The following HIC2 variants were observed in gnomAD, a reference collection of about 807,000 sequenced individuals.
HIC2 encodes the protein HIC ZBTB transcriptional repressor 2.
In HIC2, 2 loss-of-function variants were observed where a neutral mutation model predicts 39.5. The observed-to-expected ratio is 0.05, with a 90% CI of 0.02 to 0.16. The LOEUF is 0.16. Ranked by LOEUF, HIC2 falls within the 10% of genes least tolerant of loss-of-function variation. HIC2 has a pLI of 1.00. For synonymous variants in HIC2, 399 were observed against 368.8 expected (o/e 1.08, Z -0.94); for missense variants, 713 against 863.5 (o/e 0.83, Z 2.18).
At chr22:21,441,389 C>T (rs1923524924) in intron 1 of HIC2, among the ~76,000 whole-genome samples, 1 of 152,198 alleles carries the variant, frequency 6.6e-6, no homozygotes, top group Non-Finnish European at 1.5e-5. Flanking sequence ...GCAGTGGGCA[C>T]TGACGGAGGG....
In HIC2 at chr22:21,417,413, G is replaced by T. The variant is rs1342218207; in HGVS notation, c.-221G>T. 7.0e-6 allele frequency: 1 copy of T among 142,758 alleles called. No homozygotes were observed. Among genetic ancestry groups the T allele is most frequent in the Admixed American group, 6.9e-5 (1 of 14,572 alleles). The allele number at this position is 142,758 out of a possible 1,614,324, so 8.8% of individuals were successfully genotyped here. A position where few individuals can be genotyped will look rare whatever the true frequency, so the allele number is the denominator to read the frequency against. ...CGCTGGGCGGGCGGCTGTGAGCGGCGCTCGGGGCGCGCTAGGCGGGGAGCC... is the reference window on the plus strand; with the variant it reads ...CGCTGGGCGGGCGGCTGTGAGCGGCTCTCGGGGCGCGCTAGGCGGGGAGCC... On this transcript the variant is annotated 5_prime_UTR_variant, in exon 1 of 3. Coordinates refer to ENST00000407464, the MANE Select transcript of HIC2 (RefSeq NM_015094.3).
chr22:21,432,335 C>T (rs1300927614), intron 1 of HIC2, among the ~76,000 whole-genome samples: 4 of 87,584 alleles, frequency 4.6e-5, no homozygotes, highest in African/African-American at 1.9e-4. Flanking sequence ...TTTCCTGTTT[C>T]TCCTGGGCTT....
In HIC2 at chr22:21,447,359, C is replaced by G. The variant is rs544326981; in HGVS notation, c.*616C>G. 1 of 152,900 alleles carries G rather than the reference C, an allele frequency of 6.5e-6. No individual in the cohort carries two copies. Among genetic ancestry groups the G allele is most frequent in the East Asian group, 1.9e-4 (1 of 5,338 alleles). The allele number at this position is 152,900 out of a possible 1,614,324, so 9.5% of individuals were successfully genotyped here. On this transcript the variant is annotated 3_prime_UTR_variant, in exon 3 of 3. Transcript: ENST00000407464. ...CCTACTGATCTGTTCCTCTGTTTTT[C>G]TTTTTGATTTTTGTTTTTTAAACCA...
rs571490200 is a variant in HIC2 at position 21,445,468 on chromosome 22, C to T, written c.573C>T (p.Leu191=). The change falls in exon 3 of 3, where the codon CTC becomes CTT. Residue 191 remains leucine (L), a synonymous_variant. Transcript: ENST00000407464. ...GRKGAHAPQE[L]PQAKGSDDEL... is the part of the protein sequence containing the mutation. ...AGGGGGCCCACGCCCCCCAGGAGCTCCCCCAAGCCAAAGGCTCAGACGATG... is the reference window on the plus strand; with the variant it reads ...AGGGGGCCCACGCCCCCCAGGAGCTTCCCCAAGCCAAAGGCTCAGACGATG... 12 of 1,551,296 alleles carry T rather than the reference C, an allele frequency of 7.7e-6. No homozygotes were observed. In the East Asian group the frequency reaches 2.0e-4, roughly 26 times the overall value.
chr22:21,447,283 C>T lies in HIC2; in HGVS notation c.*540C>T, dbSNP rs780973240. 339 of 156,122 alleles carry T rather than the reference C, an allele frequency of 2.2e-3. 11 individuals carry two copies. The highest frequency in any genetic ancestry group is 8.2e-4 in the Non-Finnish European group (58 of 70,312). The allele number at this position is 156,122 out of a possible 1,614,324, so 9.7% of individuals were successfully genotyped here. A position where few individuals can be genotyped will look rare whatever the true frequency, so the allele number is the denominator to read the frequency against. ...GCTGGGACAGTCAGGGTGACCCCAC[C>T]GCCTACCTCTCTACATCTAAAGAGC... is the stretch of plus-strand genomic sequence containing the variant. On this transcript the variant is annotated 3_prime_UTR_variant, in exon 3 of 3. Coordinates refer to ENST00000407464, the MANE Select transcript of HIC2 (RefSeq NM_015094.3).
rs1323038672 is a variant in HIC2, at chr22:21,445,971, G to T, written c.1076G>T (p.Gly359Val). The change falls in exon 3 of 3, where the codon GGT becomes GTT. Residue 359 changes from glycine (G) to valine (V), a missense_variant. Physicochemically the swap from Gly to Val is moderately radical, Grantham distance 109. This residue lies in a region of HIC2 where 457 missense variants were observed against 420.2 expected (regional missense o/e 1.09). Transcript: ENST00000407464. Reference sequence around the variant, plus strand: ...GAGCGGAGAGAAGCAGGGCCCAAGGGTCCCTGCCCGGGAGAGGAGGGTGAG... The same window carrying T: ...GAGCGGAGAGAAGCAGGGCCCAAGGTTCCCTGCCCGGGAGAGGAGGGTGAG... The part of the protein sequence containing the change: ...PFERREAGPK[G>V]PCPGEEGEGV... 2 of 1,561,808 alleles carry T rather than the reference G, an allele frequency of 1.3e-6. No individual in the cohort carries two copies. The highest frequency in any genetic ancestry group is 4.5e-5 in the East Asian group (2 of 44,168).
chr22:21,443,871 G>A (rs964622533), intron 2 of HIC2, among the ~76,000 whole-genome samples: 2 of 152,116 alleles, frequency 1.3e-5, no homozygotes, highest in Non-Finnish European at 2.9e-5. Context: ...TTATACCGCC[G>A]GCCACAGTCC....
At chr22:21,420,701 AC>A in intron 1 of HIC2, 1 of 16,896 alleles carries the variant, frequency 5.9e-5, no homozygotes, top group Middle Eastern at 0.014. Flanking sequence ...GAGGACGCGG[AC>A]CCACGGGTAC....
At position 21,445,500 on chromosome 22, in the gene HIC2, T is replaced by A; in HGVS notation, c.605T>A (p.Phe202Tyr). Residue 202 changes from phenylalanine (F) to tyrosine (Y), a missense_variant, in exon 3 of 3, where the codon TTT becomes TAT. Phe to Tyr is a conservative substitution (Grantham distance 22). Transcript: ENST00000407464. Reference sequence around the variant, plus strand: ...GCCAAAGGCTCAGACGATGAACTCTTTCTTGGTGGCTCTAACCAGGATAGC... The same window carrying A: ...GCCAAAGGCTCAGACGATGAACTCTATCTTGGTGGCTCTAACCAGGATAGC... ...PQAKGSDDEL[F>Y]LGGSNQDSVQ... 1 of 1,590,246 alleles carries A rather than the reference T, an allele frequency of 6.3e-7. No homozygotes were observed. The highest frequency in any genetic ancestry group is 8.5e-7 in the Non-Finnish European group (1 of 1,171,130).
rs569953621 is a variant in HIC2 at position 21,450,373 on chromosome 22, C to A, written c.*3630C>A. The A allele has an allele frequency of 7.4e-4, 113 of 153,038 alleles. No homozygotes were observed. The highest frequency in any genetic ancestry group is 1.4e-3 in the Non-Finnish European group (93 of 68,134). 9.5% of individuals were successfully genotyped at this position (153,038 alleles called of 1,614,324 possible). On this transcript the variant is annotated 3_prime_UTR_variant, in exon 3 of 3. Transcript: ENST00000407464. Reference sequence around the variant, plus strand: ...ACCTCAGGCAGCCCTGTGTGTTTACCGTTCATCACCACTCGGGGGCACCGG... The same window carrying A: ...ACCTCAGGCAGCCCTGTGTGTTTACAGTTCATCACCACTCGGGGGCACCGG...
chr22:21,451,302 TTG>T lies in HIC2; in HGVS notation c.*4561_*4562del, dbSNP rs1346956300. 1 of 152,746 alleles carries T rather than the reference TTG, an allele frequency of 6.5e-6. No homozygotes were observed. Among genetic ancestry groups the T allele is most frequent in the Non-Finnish European group, 1.5e-5 (1 of 68,032 alleles). 9.5% of individuals were successfully genotyped at this position (152,746 alleles called of 1,614,324 possible). A position where few individuals can be genotyped will look rare whatever the true frequency, so the allele number is the denominator to read the frequency against. ...CATTGAGTTCATGTCCCTTGAGAGT[TTG>T]TATAAATTCAGGTCAGAGCTGCAGC... On this transcript the variant is annotated 3_prime_UTR_variant, in exon 3 of 3. Coordinates refer to ENST00000407464, the MANE Select transcript of HIC2 (RefSeq NM_015094.3).
Position 21,426,669 on chromosome 22 carries a change from ATGTTGGTC to A in HIC2, c.-74+9110_-74+9117del, listed in dbSNP as rs1923270321. Among the ~76,000 whole-genome samples, 5 of 68,038 alleles carry A rather than the reference ATGTTGGTC, an allele frequency of 7.3e-5. No individual in the cohort carries two copies. The Admixed American group carries it at 1.0e-3, about 14-fold the overall frequency. The allele number at this position is 68,038 out of a possible 152,430, so 44.6% of individuals were successfully genotyped here. A position where few individuals can be genotyped will look rare whatever the true frequency, so the allele number is the denominator to read the frequency against. ...TTTTTAGTAGAGACTGGGTATCTCCATGTTGGTCAGGCTGGTCTCAAACTCCTGACCTT... is the reference window on the plus strand; with the variant it reads ...TTTTTAGTAGAGACTGGGTATCTCCAAGGCTGGTCTCAAACTCCTGACCTT... On this transcript the variant is annotated intron_variant, in intron 1 of 2. Transcript: ENST00000407464.
Position 21,448,773 on chromosome 22 carries a change from CAG to C in HIC2, c.*2033_*2034del, listed in dbSNP as rs1197980183. 1 of 152,704 alleles carries C rather than the reference CAG, an allele frequency of 6.5e-6. No individual in the cohort carries two copies. The allele number at this position is 152,704 out of a possible 1,614,324, so 9.5% of individuals were successfully genotyped here. ...GCCCCTCTTCCCTCCTGGTGGGAGA[CAG>C]AGGACTGGACCCTGGGTCTCAGGTT... On this transcript the variant is annotated 3_prime_UTR_variant, in exon 3 of 3. Transcript: ENST00000407464.
intron 1 of HIC2, among the ~76,000 whole-genome samples, chr22:21,432,001 G>A (rs1312868296): frequency 1.2e-4 from 17 of 143,070 alleles, no homozygotes; most frequent in Non-Finnish European, 2.1e-4. Flanking sequence ...AATGGATGCC[G>A]AACGTATAAC....
At position 21,445,790 on chromosome 22, in the gene HIC2, G is replaced by C; in HGVS notation, c.895G>C (p.Gly299Arg). 6.2e-7 allele frequency: 1 copy of C among 1,601,622 alleles called. No homozygotes were observed. Among genetic ancestry groups the C allele is most frequent in the Non-Finnish European group, 8.5e-7 (1 of 1,174,086 alleles). ...VANSASYSEL[G>R]GTPDEPMDLE... The stretch of plus-strand genomic sequence containing the variant: ...CAACAGTGCCTCTTATTCTGAGCTG[G>C]GGGGCACCCCTGATGAGCCCATGGA... The change falls in exon 3 of 3, where the codon GGG becomes CGG. Residue 299 changes from glycine to arginine, a missense_variant. Physicochemically the swap from Gly to Arg is moderately radical, Grantham distance 125. Coordinates refer to ENST00000407464, the MANE Select transcript of HIC2 (RefSeq NM_015094.3).
rs1338910116 is a variant in HIC2 at position 21,447,000 on chromosome 22, C to T, written c.*257C>T. The stretch of plus-strand genomic sequence containing the variant: ...GCCCCCAGCTCCCCGCGGGGGCCAC[C>T]GCAGGGCCTGTGGGCTGGGTCACGT... On this transcript the variant is annotated 3_prime_UTR_variant, in exon 3 of 3. Transcript: ENST00000407464. 7.6e-6 allele frequency: 4 copies of T among 528,758 alleles called. No individual in the cohort carries two copies. Among genetic ancestry groups the T allele is most frequent in the East Asian group, 3.2e-5 (1 of 30,854 alleles). The allele number at this position is 528,758 out of a possible 1,614,324, so 32.8% of individuals were successfully genotyped here.
rs775847456 is a variant in HIC2 at position 21,445,913 on chromosome 22, G to A, written c.1018G>A (p.Gly340Ser). The A allele has an allele frequency of 1.8e-5, 28 of 1,597,598 alleles. 1 individual carries two copies. In the South Asian group the frequency reaches 1.8e-4, roughly 10 times the overall value. Residue 340 changes from glycine to serine, a missense_variant, in exon 3 of 3, where the codon GGC becomes AGC. Gly to Ser is a moderately conservative substitution (Grantham distance 56, BLOSUM62 0). Transcript: ENST00000407464. The stretch of plus-strand genomic sequence containing the variant: ...GCACTCCACTCGGAAGAAGGAGTGG[G>A]GCAAGAAGGAGCCTGTGGCTGGCTC... ...LRHSTRKKEW[G>S]KKEPVAGSPF...
rs1321760757 is a variant in HIC2, at chr22:21,450,828, AG to A, written c.*4087del. On this transcript the variant is annotated 3_prime_UTR_variant, in exon 3 of 3. Transcript: ENST00000407464. ...TGAGCGGTGGGAACTGAGGCTGCCCAGGACCCCCTTCCTAGGATGCCCCGGC... is the reference window on the plus strand; with the variant it reads ...TGAGCGGTGGGAACTGAGGCTGCCCAGACCCCCTTCCTAGGATGCCCCGGC... 6.5e-6 allele frequency: 1 copy of A among 152,754 alleles called. No individual in the cohort carries two copies. Among genetic ancestry groups the A allele is most frequent in the East Asian group, 1.9e-4 (1 of 5,314 alleles). 9.5% of individuals were successfully genotyped at this position (152,754 alleles called of 1,614,324 possible).
rs1601337426 is a variant in HIC2 at position 21,446,822 on chromosome 22, C to G, written c.*79C>G. The stretch of plus-strand genomic sequence containing the variant: ...AAGGAGAAGCGAGGTGATGCAGCAG[C>G]AGGGGCAAGACCCTGGGTCCAGTGG... On this transcript the variant is annotated 3_prime_UTR_variant, in exon 3 of 3. Transcript: ENST00000407464. 3 of 1,525,290 alleles carry G rather than the reference C, an allele frequency of 2.0e-6. No homozygotes were observed. The highest frequency in any genetic ancestry group is 2.0e-5 in the Admixed American group (1 of 51,278). 94.5% of individuals were successfully genotyped at this position (1,525,290 alleles called of 1,614,324 possible).
Sources: gnomAD v4.1 joint callset for allele counts (sites outside exome capture counted in the v4.1 genomes callset) on GRCh38, gnomAD v4.1.1 for gene constraint, gnomAD v4.1.1 regional missense constraint, MANE v1.5 for transcripts, NCBI Gene and HGNC (gene_info 2026-07-23, HGNC 2026-07-21) for gene names.